The following EXOC6B variants were observed in gnomAD, a reference collection of about 807,000 sequenced individuals.
The protein encoded by EXOC6B is SEC15 homolog B.
In EXOC6B, 54 loss-of-function variants were observed where a neutral mutation model predicts 113.5. The observed-to-expected ratio is 0.48, with a 90% confidence interval of 0.38 to 0.60. The LOEUF (loss-of-function observed/expected upper bound fraction) is 0.60. Among genes scored for constraint, EXOC6B ranks in the 20% least tolerant of loss-of-function variants. The pLI is 0.00. For missense variants in EXOC6B, 797 were observed against 977.5 expected (o/e 0.82, Z 2.46); for synonymous variants, 357 against 339.0 (o/e 1.05, Z -0.58).
chr2:72,482,241 A>G (rs559017156), intron 16 of EXOC6B, among the ~76,000 whole-genome samples: 6 of 152,330 alleles, frequency 3.9e-5, no homozygotes, highest in Non-Finnish European at 8.8e-5. Flanking sequence ...TGTAAAAAGA[A>G]GAGGAAAAAA....
chr2:72,228,065 T>A (rs535164198), intron 20 of EXOC6B, among the ~76,000 whole-genome samples: 37 of 152,222 alleles, frequency 2.4e-4, no homozygotes, highest in African/African-American at 8.4e-4. Flanking sequence ...TTAAAGTAGA[T>A]TGGAGTCAGG....
chr2:72,184,454 G>A (rs1678292621), intron 20 of EXOC6B, among the ~76,000 whole-genome samples: 1 of 152,184 alleles, frequency 6.6e-6, no homozygotes, highest in Non-Finnish European at 1.5e-5. Context: ...AGGCAACCCT[G>A]TAAAGAAACT....
At chr2:72,665,235 GAA>G (rs1459239124) in intron 6 of EXOC6B, among the ~76,000 whole-genome samples, 2 of 152,140 alleles carry the variant, frequency 1.3e-5, no homozygotes, top group Non-Finnish European at 2.9e-5. Flanking sequence ...TGGACCTGGT[GAA>G]AGAGTCATCT....
chr2:72,773,120 C>CTTTTTTTTTTTTTTTTTTTTTTTT (rs1254377634), intron 1 of EXOC6B, among the ~76,000 whole-genome samples: 8 of 94,892 alleles, frequency 8.4e-5, no homozygotes, highest in African/African-American at 3.8e-4. Context: ...CTTAGATTTT[C>CTTTTTTTTTTTTTTTTTTTTTTTT]TTTTTTTTTT....
chr2:72,379,814 C>T lies in EXOC6B; in HGVS notation c.2037G>A (p.Leu679=). The T allele has an allele frequency of 1.2e-6, 2 of 1,613,266 alleles. No individual in the cohort carries two copies. Among genetic ancestry groups the T allele is most frequent in the Non-Finnish European group, 1.7e-6 (2 of 1,179,600 alleles). ...MSACKHLATS[L]MQLLLEAEVR... ...CTTCAGCTTCCAACAAAAGTTGCAT[C>T]AAGGATGTGGCTAAATGCTTGCAAG... The change falls in exon 19 of 22, where the codon TTG becomes TTA. Residue 679 remains leucine, a synonymous_variant. Coordinates refer to ENST00000272427, the MANE Select transcript of EXOC6B (RefSeq NM_015189.3).
chr2:72,269,973 G>A (rs1036724967), intron 20 of EXOC6B, among the ~76,000 whole-genome samples: 1 of 151,978 alleles, frequency 6.6e-6, no homozygotes, highest in Admixed American at 6.6e-5. Context: ...AATAATAATA[G>A]GGGATGTGAA....
At chr2:72,451,319 G>T (rs1292173857) in intron 18 of EXOC6B, among the ~76,000 whole-genome samples, 1 of 152,118 alleles carries the variant, frequency 6.6e-6, no homozygotes, top group Non-Finnish European at 1.5e-5. Context: ...CCCATTTTCA[G>T]ATCTCTGTCA....
At chr2:72,629,221 T>C (rs987994251) in intron 6 of EXOC6B, among the ~76,000 whole-genome samples, 5 of 152,218 alleles carry the variant, frequency 3.3e-5, no homozygotes, top group African/African-American at 1.2e-4. Flanking sequence ...TCCAGATGTA[T>C]TCCAAACAGA....
intron 18 of EXOC6B, among the ~76,000 whole-genome samples, chr2:72,397,408 C>A (rs1426718806): frequency 6.6e-6 from 1 of 151,756 alleles, no homozygotes; most frequent in Admixed American, 6.6e-5. Context: ...ATCATGAGGT[C>A]AGGAGATCGA....
chr2:72,639,475 A>G (rs1218851993), intron 6 of EXOC6B, among the ~76,000 whole-genome samples: 1 of 152,200 alleles, frequency 6.6e-6, no homozygotes, highest in African/African-American at 2.4e-5. Flanking sequence ...GAATGCCGGC[A>G]TGGAGGCAGA....
intron 20 of EXOC6B, among the ~76,000 whole-genome samples, chr2:72,285,176 G>T (rs1176368841): frequency 1.3e-5 from 2 of 151,950 alleles, no homozygotes; most frequent in East Asian, 3.9e-4. Flanking sequence ...CAATATCAAA[G>T]AAGAACTAAG....
chr2:72,323,397 T>G (rs1182553554), intron 20 of EXOC6B, among the ~76,000 whole-genome samples: 1 of 152,210 alleles, frequency 6.6e-6, no homozygotes, highest in Admixed American at 6.5e-5. Context: ...GGAGTGTAAA[T>G]AAGTTCAACC....
At chr2:72,497,679 G>A (rs1045471502) in intron 13 of EXOC6B, among the ~76,000 whole-genome samples, 4 of 152,070 alleles carry the variant, frequency 2.6e-5, no homozygotes, top group Non-Finnish European at 5.9e-5. Context: ...GTTCATAAAC[G>A]AGAAGAGTAA....
intron 1 of EXOC6B, among the ~76,000 whole-genome samples, chr2:72,742,190 C>T (rs1418133590): frequency 6.6e-6 from 1 of 152,190 alleles, no homozygotes; most frequent in Non-Finnish European, 1.5e-5. Context: ...CTCGTATCTA[C>T]AATTCAGTCC....
At chr2:72,593,583 A>G (rs1706113562) in intron 6 of EXOC6B, among the ~76,000 whole-genome samples, 1 of 152,004 alleles carries the variant, frequency 6.6e-6, no homozygotes, top group Non-Finnish European at 1.5e-5. Context: ...CGGGGATGCA[A>G]TCAAAAGTAA....
chr2:72,185,878 G>A (rs1678398517), intron 20 of EXOC6B, among the ~76,000 whole-genome samples: 1 of 151,726 alleles, frequency 6.6e-6, no homozygotes, highest in Non-Finnish European at 1.5e-5. Context: ...ATCTCCTAAT[G>A]CTATCCCTCC....
At chr2:72,584,576 T>C (rs1705431129) in intron 6 of EXOC6B, among the ~76,000 whole-genome samples, 1 of 152,184 alleles carries the variant, frequency 6.6e-6, no homozygotes, top group Non-Finnish European at 1.5e-5. Context: ...AGGACTTCAG[T>C]ACCCCACTGG....
chr2:72,254,628 G>T (rs996180538), intron 20 of EXOC6B, among the ~76,000 whole-genome samples: 5 of 152,198 alleles, frequency 3.3e-5, no homozygotes, highest in Non-Finnish European at 7.3e-5. Context: ...ATGGAATTGG[G>T]GAATGTGCAG....
intron 1 of EXOC6B, among the ~76,000 whole-genome samples, chr2:72,800,950 T>C (rs1685242025): frequency 6.6e-6 from 1 of 152,206 alleles, no homozygotes. Flanking sequence ...TCTCATTCTC[T>C]ACTGTGGTGA....
Sources: allele counts gnomAD v4.1 joint callset (sites outside exome capture counted in the v4.1 genomes callset), GRCh38; gene constraint gnomAD v4.1.1; transcripts MANE v1.5; gene names NCBI Gene and HGNC (gene_info 2026-07-23, HGNC 2026-07-21).